ANO10: variants seen among roughly 807,000 people sequenced by gnomAD.
ANO10 encodes the protein anoctamin-10.
Under a neutral mutation model 74.7 loss-of-function variants are expected in ANO10, and 77 were observed. The ratio of observed to expected loss-of-function variants is 1.03; its 90% CI spans 0.86 to 1.25. The LOEUF (loss-of-function observed/expected upper bound fraction) is 1.25, where lower values mean the gene tolerates loss of function less well. ANO10 is among the 50% of genes most tolerant of loss of function. The probability of loss-of-function intolerance (pLI) is 0.00; values close to 1 mark genes in which losing one functional copy is unlikely to be tolerated. For synonymous variants in ANO10, 279 were observed against 284.9 expected, an observed-to-expected ratio of 0.98 and a Z score of 0.21; for missense variants, 721 against 778.1, an observed-to-expected ratio of 0.93 and a Z score of 0.87.
intron 1 of ANO10, among the ~76,000 whole-genome samples, chr3:43,619,610 G>A (rs1221243876): frequency 1.2e-4 from 18 of 152,010 alleles, no homozygotes; most frequent in African/African-American, 2.4e-5. Context: ...AGCACTTTGG[G>A]AGTCCATGGG....
intron 1 of ANO10, among the ~76,000 whole-genome samples, chr3:43,679,403 G>A (rs1045042857): frequency 1.3e-5 from 2 of 152,208 alleles, no homozygotes; most frequent in East Asian, 3.9e-4. Context: ...AGGGGTGCCT[G>A]CCATTGCCGA....
Position 43,536,632 on chromosome 3 carries a change from T to C in ANO10, c.1797+13088A>G, listed in dbSNP as rs1253273600. 2.6e-5 allele frequency among the ~76,000 whole-genome samples: 4 copies of C among 152,114 alleles called. No homozygotes were observed. In the East Asian group the frequency reaches 7.7e-4, roughly 29 times the overall value. On this transcript the variant is annotated intron_variant, in intron 11 of 12. Coordinates refer to ENST00000292246, the MANE Select transcript of ANO10 (RefSeq NM_018075.5). ...TCTGGGGCTCAAAGAAAGAAAAGCT[T>C]AAAAGCCCTCTTCTTTTGTTCCTTT...
At chr3:43,460,916 T>G (rs1205632194) in intron 11 of ANO10, among the ~76,000 whole-genome samples, 1 of 151,128 alleles carries the variant, frequency 6.6e-6, no homozygotes, top group Non-Finnish European at 1.5e-5. Context: ...CATATGATTG[T>G]CAAAATGAAA....
At chr3:43,689,976 C>CT (rs1691463780) in intron 1 of ANO10, 2 of 152,094 alleles carry the variant, frequency 1.3e-5, no homozygotes, top group African/African-American at 2.4e-5. Flanking sequence ...CACCTGATTG[C>CT]TAAAAGGCTT....
At chr3:43,398,171 T>G (rs1419588906) in intron 12 of ANO10, among the ~76,000 whole-genome samples, 1 of 152,228 alleles carries the variant, frequency 6.6e-6, no homozygotes. Context: ...TGGAGAGGGT[T>G]GTTTAGAACA....
chr3:43,378,670 C>G (rs186441896), intron 12 of ANO10, among the ~76,000 whole-genome samples: 1 of 152,162 alleles, frequency 6.6e-6, no homozygotes, highest in South Asian at 2.1e-4. Context: ...CCCTTCCCCC[C>G]AGAGCAGGGC....
intron 1 of ANO10, among the ~76,000 whole-genome samples, chr3:43,683,839 C>G (rs1325081834): frequency 3.3e-5 from 5 of 152,134 alleles, no homozygotes; most frequent in African/African-American, 1.2e-4. Context: ...AAAGGATTCC[C>G]TATTTAAAAA....
At position 43,598,670 on chromosome 3, in the gene ANO10, A is replaced by C; in HGVS notation, c.338-4T>G. On this transcript the variant is annotated splice_region_variant and splice_polypyrimidine_tract_variant and intron_variant, in intron 3 of 12. Coordinates refer to ENST00000292246, the MANE Select transcript of ANO10 (RefSeq NM_018075.5). ...GTCAGGAAATCATCATTGTTATCTA[A>C]AATAAAACAGAAATTACCAGATTTT... 1 of 1,595,540 alleles carries C rather than the reference A, an allele frequency of 6.3e-7. No individual in the cohort carries two copies. The highest frequency in any genetic ancestry group is 8.6e-7 in the Non-Finnish European group (1 of 1,168,716).
At chr3:43,556,410 G>C (rs2079751824) in intron 9 of ANO10, among the ~76,000 whole-genome samples, 1 of 152,074 alleles carries the variant, frequency 6.6e-6, no homozygotes, top group East Asian at 1.9e-4. Context: ...TATAGCACCA[G>C]GGGAGCCCTT....
chr3:43,408,194 T>C (rs2092608961), intron 12 of ANO10, among the ~76,000 whole-genome samples: 2 of 152,214 alleles, frequency 1.3e-5, no homozygotes, highest in Admixed American at 6.5e-5. Context: ...GGTATCTGAA[T>C]TCTTAACCCT....
chr3:43,511,472 T>C (rs2077506107), intron 11 of ANO10, among the ~76,000 whole-genome samples: 1 of 152,196 alleles, frequency 6.6e-6, no homozygotes, highest in African/African-American at 2.4e-5. Flanking sequence ...TCCCTATCTC[T>C]GACTGAAAAT....
rs370108345 is a variant in ANO10 at position 43,492,765 on chromosome 3, G to A, written c.1797+56955C>T. On this transcript the variant is annotated intron_variant, in intron 11 of 12. Coordinates refer to ENST00000292246, the MANE Select transcript of ANO10 (RefSeq NM_018075.5). ...CTATCTCATGCCAGTTAGAATGGTG[G>A]TCATTAAAAAGTCATGAAACAACAG... Among the ~76,000 whole-genome samples, 13 of 152,174 alleles carry A rather than the reference G, an allele frequency of 8.5e-5. 1 individual carries two copies. The highest frequency in any genetic ancestry group is 7.7e-4 in the East Asian group (4 of 5,176).
chr3:43,622,140 C>T (rs1409556350), upstream of ANO10: 1 of 152,170 alleles, frequency 6.6e-6, no homozygotes, highest in Non-Finnish European at 1.5e-5. Context: ...AGGGGCGGAA[C>T]TGCGGTGGGA....
rs1336885704 is a variant in ANO10 at position 43,615,867 on chromosome 3, A to G, written c.-12+6042T>C. Among the ~76,000 whole-genome samples the G allele has an allele frequency of 2.6e-5, 4 of 152,074 alleles. No homozygotes were observed. In the East Asian group the frequency reaches 7.7e-4, roughly 29 times the overall value. ...ACAGGGTTTCACCGTGTTAGCCAGGATGGTCTCGATCTCCTGACCTTGTGA... is the reference window on the plus strand; with the variant it reads ...ACAGGGTTTCACCGTGTTAGCCAGGGTGGTCTCGATCTCCTGACCTTGTGA... On this transcript the variant is annotated intron_variant, in intron 1 of 12. Coordinates refer to ENST00000292246, the MANE Select transcript of ANO10 (RefSeq NM_018075.5).
At chr3:43,408,295 A>T (rs1411921125) in intron 12 of ANO10, among the ~76,000 whole-genome samples, 3 of 152,242 alleles carry the variant, frequency 2.0e-5, no homozygotes, top group Non-Finnish European at 2.9e-5. Context: ...AAGAATTTCA[A>T]ATCTTTTAAA....
intron 1 of ANO10, among the ~76,000 whole-genome samples, chr3:43,659,482 G>A (rs2083896051): frequency 6.6e-6 from 1 of 152,178 alleles, no homozygotes; most frequent in Admixed American, 6.5e-5. Flanking sequence ...ATCAACCTGG[G>A]ACACAGGAGC....
At chr3:43,670,283 G>A (rs987423665) in intron 1 of ANO10, among the ~76,000 whole-genome samples, 23 of 151,664 alleles carry the variant, frequency 1.5e-4, no homozygotes, top group Admixed American at 7.9e-4. Flanking sequence ...GATTGCTTGC[G>A]CCTGGGAGGA....
At chr3:43,533,566 TAGAC>T (rs1172242913) in intron 11 of ANO10, among the ~76,000 whole-genome samples, 2 of 152,206 alleles carry the variant, frequency 1.3e-5, no homozygotes, top group Admixed American at 6.5e-5. Context: ...AATGCACAAA[TAGAC>T]AGCTCCTTAG....
intron 12 of ANO10, among the ~76,000 whole-genome samples, chr3:43,421,252 G>A (rs2092816038): frequency 6.6e-6 from 1 of 152,120 alleles, no homozygotes; most frequent in African/African-American, 2.4e-5. Flanking sequence ...TGGGAGCGGT[G>A]GCTCACACTT....
Sources: allele counts gnomAD v4.1 joint callset (sites outside exome capture counted in the v4.1 genomes callset), GRCh38; gene constraint gnomAD v4.1.1; transcripts MANE v1.5; gene names NCBI Gene and HGNC (gene_info 2026-07-23, HGNC 2026-07-21).